The following RNH1 variants were observed in gnomAD, a reference collection of about 807,000 sequenced individuals.
RNH1 encodes ribonuclease inhibitor.
A neutral mutation model predicts 46.1 loss-of-function variants in RNH1; 38 were observed. The ratio of observed to expected loss-of-function variants is 0.82; its 90% CI spans 0.64 to 1.08. The LOEUF is 1.08. RNH1 is among the 50% of genes least tolerant of loss of function. The pLI, the probability that RNH1 is intolerant of heterozygous loss-of-function variation, is 0.00. For synonymous variants in RNH1, 319 were observed against 279.1 expected (o/e 1.14, Z -1.43); for missense variants, 577 against 590.7 (o/e 0.98, Z 0.24).
chr11:497,024 G>A lies in RNH1; in HGVS notation c.1127+947C>T, dbSNP rs116744400. Among the ~76,000 whole-genome samples the A allele has an allele frequency of 1.7e-3, 252 of 152,350 alleles. 2 individuals are homozygous for A. The highest frequency in any genetic ancestry group is 5.9e-3 in the African/African-American group (246 of 41,594). On this transcript the variant is annotated intron_variant, in intron 9 of 10. Transcript: ENST00000354420. ...TGGTGCCGCCAGCCCGCCTTTCCCA[G>A]TACATGAACATGCACCCTCACTCTC...
chr11:506,409 TTCG>T (rs1252411485), intron 1 of RNH1: 1 of 152,184 alleles, frequency 6.6e-6, no homozygotes, highest in African/African-American at 2.4e-5. Flanking sequence ...CTGGGGCCCC[TTCG>T]TCATTTCCGC....
intron 9 of RNH1, among the ~76,000 whole-genome samples, 187 bp downstream of exon 9, chr11:497,784 C>T (rs7121057): frequency 0.086 from 12,962 of 151,266 alleles, 561 homozygotes; most frequent in Middle Eastern, 0.15. Context: ...CTCACTCTCA[C>T]ATGCTCACGG....
chr11:499,257 G>A, intron 5 of RNH1, 72 bp from the exon 6 acceptor site: 1 of 1,517,348 alleles, frequency 6.6e-7, no homozygotes, highest in Non-Finnish European at 9.0e-7. Context: ...GGGAGCACGG[G>A]GTGTGCTGGT....
Position 502,290 on chromosome 11 carries a change from C to G in RNH1, c.-87-41G>C. The G allele has an allele frequency of 1.4e-6, 1 of 719,926 alleles. No homozygotes were observed. The allele number at this position is 719,926 out of a possible 1,614,324, so 44.6% of individuals were successfully genotyped here. A position where few individuals can be genotyped will look rare whatever the true frequency, so the allele number is the denominator to read the frequency against. ...ACAGGGCTGATGTTTCAGGAGGAGCCGCAGCCTCTCCCTGGGCAAACACTT... is the reference window on the plus strand; with the variant it reads ...ACAGGGCTGATGTTTCAGGAGGAGCGGCAGCCTCTCCCTGGGCAAACACTT... On this transcript the variant is annotated intron_variant, in intron 2 of 10. Coordinates refer to ENST00000354420, the MANE Select transcript of RNH1 (RefSeq NM_203387.3). The surrounding 1 kb of genome is among the most constrained non-coding windows in gnomAD (Gnocchi z 5.8).
At position 504,239 on chromosome 11, in the gene RNH1, T is replaced by C. The variant is rs11827058; in HGVS notation, c.-88+585A>G. Among the ~76,000 whole-genome samples, 932 of 152,268 alleles carry C rather than the reference T, an allele frequency of 6.1e-3. 8 individuals are homozygous for C. The highest frequency in any genetic ancestry group is 0.022 in the African/African-American group (899 of 41,562). ...CCCTCTAGGGAGACACGGGCCACGC[T>C]CAGGCGACGCGCAAAAGTTCCCGGT... is the stretch of plus-strand genomic sequence containing the variant. On this transcript the variant is annotated intron_variant, in intron 2 of 10. Coordinates refer to ENST00000354420, the MANE Select transcript of RNH1 (RefSeq NM_203387.3).
rs572871991 is a variant in RNH1, at chr11:498,052, C to G, written c.1046G>C (p.Ser349Thr). 3 of 1,614,166 alleles carry G rather than the reference C, an allele frequency of 1.9e-6. No homozygotes were observed. The South Asian group carries it at 3.3e-5, about 18-fold the overall frequency. The change falls in exon 9 of 11, where the codon AGC becomes ACC. Residue 349 changes from serine (S) to threonine (T), a missense_variant. Coordinates refer to ENST00000354420, the MANE Select transcript of RNH1 (RefSeq NM_203387.3). ...QNRFLLELQI[S>T]NNRLEDAGVR... ...GCCCGCATCCTCCAGCCTGTTGTTG[C>G]TTATCTGTAGCTCCAGGAGAAACCT...
chr11:495,770 C>T, intron 9 of RNH1, among the ~76,000 whole-genome samples: 1 of 152,178 alleles, frequency 6.6e-6, no homozygotes, highest in East Asian at 1.9e-4. Context: ...AATCCCCCAT[C>T]AGGAGGAAGC....
intron 5 of RNH1, 42 bp downstream of exon 5, chr11:499,787 G>C: frequency 6.3e-7 from 1 of 1,582,256 alleles, no homozygotes; most frequent in South Asian, 1.2e-5. Context: ...CTGGGGGACA[G>C]GCAGCGGCCA....
chr11:497,892 T>G (rs1054484704), intron 9 of RNH1, 79 bp downstream of exon 9: 8 of 1,499,888 alleles, frequency 5.3e-6, no homozygotes, highest in Non-Finnish European at 6.3e-6. Context: ...ACACAGATAC[T>G]CGTGCACTCT....
chr11:500,677 T>A, intron 3 of RNH1, 23 bp from the exon 4 acceptor site: 1 of 1,600,966 alleles, frequency 6.2e-7, no homozygotes, highest in Non-Finnish European at 8.5e-7. Flanking sequence ...CCCAGGGTCA[T>A]GTGGACCACG....
chr11:499,187 T>TG lies in RNH1; in HGVS notation c.444-3dup. 1 of 1,611,990 alleles carries TG rather than the reference T, an allele frequency of 6.2e-7. No homozygotes were observed. Among genetic ancestry groups the TG allele is most frequent in the East Asian group, 2.2e-5 (1 of 44,878 alleles). ...GCCGAGAGGCTGCAATACTCCAGCC[T>TG]GGGGGACAGCAGAGCTCAGCACCAC... is the stretch of plus-strand genomic sequence containing the variant. On this transcript the variant is annotated splice_region_variant and splice_polypyrimidine_tract_variant and intron_variant, in intron 5 of 10. Transcript: ENST00000354420.
intron 9 of RNH1, among the ~76,000 whole-genome samples, 159 bp from the exon 10 acceptor site, chr11:495,212 T>A (rs1848950222): frequency 6.6e-6 from 1 of 152,146 alleles, no homozygotes; most frequent in African/African-American, 2.4e-5. Context: ...CCTGTGGCCC[T>A]GGGCAGGTTC....
intron 9 of RNH1, among the ~76,000 whole-genome samples, chr11:497,151 A>ATCATGTGCTCACACTCACATGGACACTCG (rs1849168281): frequency 7.2e-6 from 1 of 139,040 alleles, no homozygotes; most frequent in Non-Finnish European, 1.5e-5. Context: ...ATGGACACTC[A>ATCATGTGCTCACACTCACATGGACACTCG]TGCTCACTCT....
At position 499,049 on chromosome 11, in the gene RNH1, G is replaced by A; in HGVS notation, c.580C>T (p.Leu194=). The change falls in exon 6 of 11, where the codon CTG becomes TTG. Residue 194 remains leucine, a synonymous_variant. Coordinates refer to ENST00000354420, the MANE Select transcript of RNH1 (RefSeq NM_203387.3). ...EAGVRVLCQG[L]KDSPCQLEAL... ...TCCAGCTGGCAGGGGGAGTCCTTCA[G>A]GCCCTGGCACAGCACACGGACGCCA... 1 of 1,613,324 alleles carries A rather than the reference G, an allele frequency of 6.2e-7. No homozygotes were observed. The highest frequency in any genetic ancestry group is 2.2e-5 in the East Asian group (1 of 44,874).
In RNH1 at chr11:502,021, G is replaced by GC. The variant is rs1435978192; in HGVS notation, c.101+40dup. The GC allele has an allele frequency of 6.8e-7, 1 of 1,474,460 alleles. No homozygotes were observed. Among genetic ancestry groups the GC allele is most frequent in the Non-Finnish European group, 9.4e-7 (1 of 1,067,788 alleles). 91.3% of individuals were successfully genotyped at this position (1,474,460 alleles called of 1,614,324 possible). ...AGAGGGAGCCGCCACCCGCCAGCCT[G>GC]CCCCACCAGCACCCCAAGGCCACCC... On this transcript the variant is annotated intron_variant, in intron 3 of 10. Transcript: ENST00000354420. This position sits in a 1 kb window ranked among gnomAD's most constrained non-coding sequence, Gnocchi z 5.8.
rs1163621931 is a variant in RNH1 at position 500,076 on chromosome 11, C to T, written c.273-77G>A. ...CCTTCGCCTGCCAGAGCCCAGAGCC[C>T]GGAGCAGCACTCTTCAGGCGGCAGG... On this transcript the variant is annotated intron_variant, in intron 4 of 10. Coordinates refer to ENST00000354420, the MANE Select transcript of RNH1 (RefSeq NM_203387.3). 9.1e-6 allele frequency: 13 copies of T among 1,428,252 alleles called. No homozygotes were observed. In the East Asian group the frequency reaches 2.0e-4, roughly 22 times the overall value. The allele number at this position is 1,428,252 out of a possible 1,614,324, so 88.5% of individuals were successfully genotyped here. A position where few individuals can be genotyped will look rare whatever the true frequency, so the allele number is the denominator to read the frequency against.
At chr11:497,110 C>T (rs527567822) in intron 9 of RNH1, among the ~76,000 whole-genome samples, 4 of 146,158 alleles carry the variant, frequency 2.7e-5, no homozygotes, top group African/African-American at 7.6e-5. Context: ...GCCACACTCA[C>T]GTGCTCACTC....
rs755839160 is a variant in RNH1 at position 494,761 on chromosome 11, C to A, written c.1316G>T (p.Trp439Leu). 48 of 1,613,886 alleles carry A rather than the reference C, an allele frequency of 3.0e-5. No homozygotes were observed. The Admixed American group carries it at 7.3e-4, about 25-fold the overall frequency. The stretch of plus-strand genomic sequence containing the variant: ...CAGCCGGTCCTCCATCTCCTCAGAC[C>A]AGTAAATGTCGTACAGGCTGCACAC... Reference protein sequence around the residue: ...LEQLVLYDIYWSEEMEDRLQA... With the variant: ...LEQLVLYDIYLSEEMEDRLQA... Residue 439 changes from tryptophan (W) to leucine (L), a missense_variant, in exon 11 of 11, where the codon TGG (tryptophan) becomes TTG (leucine). Trp to Leu is a moderately conservative substitution (Grantham distance 61). Transcript: ENST00000354420.
At position 500,583 on chromosome 11, in the gene RNH1, AG is replaced by A; in HGVS notation, c.172del (p.Leu58TrpfsTer33). 1 of 1,610,834 alleles carries A rather than the reference AG, an allele frequency of 6.2e-7. No homozygotes were observed. The highest frequency in any genetic ancestry group is 1.1e-5 in the South Asian group (1 of 91,090). On this transcript the variant is annotated frameshift_variant, in exon 4 of 11. Coordinates refer to ENST00000354420, the MANE Select transcript of RNH1 (RefSeq NM_203387.3). LOFTEE classifies it high-confidence loss of function. ...GTTGCTGCGCAGGTTGAGCTCTGCCAGTGCAGGGTTGACTCGAAGTGCAGAG... is the reference window on the plus strand; with the variant it reads ...GTTGCTGCGCAGGTTGAGCTCTGCCATGCAGGGTTGACTCGAAGTGCAGAG... ...ISSALRVNPA[L>X]AELNLRSNEL...
Sources: allele counts gnomAD v4.1 joint callset (sites outside exome capture counted in the v4.1 genomes callset), GRCh38; gene constraint gnomAD v4.1.1; non-coding constraint Gnocchi (gnomAD v3.1); transcripts MANE v1.5; gene names NCBI Gene and HGNC (gene_info 2026-07-23, HGNC 2026-07-21).